Variants in EML5 observed in about 807,000 individuals in gnomAD.
EML5 encodes EMAP like 5.
In EML5, 120 loss-of-function variants were observed where a neutral mutation model predicts 250.0. The ratio of observed to expected loss-of-function variants is 0.48; its 90% CI spans 0.41 to 0.56. The LOEUF (loss-of-function observed/expected upper bound fraction) is 0.56, where lower values mean the gene tolerates loss of function less well. EML5 is among the 20% of genes least tolerant of loss of function. EML5 has a pLI of 0.00. For missense variants in EML5, 2,006 were observed against 2,437.6 expected (o/e 0.82, Z 3.73); for synonymous variants, 771 against 806.5 (o/e 0.96, Z 0.75).
intron 33 of EML5, among the ~76,000 whole-genome samples, chr14:88,628,217 A>G (rs548236403): frequency 6.6e-6 from 1 of 152,320 alleles, no homozygotes; most frequent in East Asian, 1.9e-4. Context: ...GTATACATTC[A>G]GTACTGATGT....
At chr14:88,705,720 C>T in intron 11 of EML5, 132 bp from the exon 12 acceptor site, 1 of 715,264 alleles carries the variant, frequency 1.4e-6, no homozygotes, top group Non-Finnish European at 2.4e-6. Flanking sequence ...ATGAAATTAC[C>T]TATTCAAGTG....
chr14:88,618,496 G>A, intron 40 of EML5, 154 bp downstream of exon 40: 1 of 1,095,644 alleles, frequency 9.1e-7, no homozygotes, highest in Non-Finnish European at 1.3e-6. Context: ...GCTCTGATAA[G>A]TGGGGGAGGA....
At chr14:88,686,474 C>T (rs545322978) in intron 19 of EML5, among the ~76,000 whole-genome samples, 41 of 151,692 alleles carry the variant, frequency 2.7e-4, no homozygotes, top group South Asian at 6.2e-4. Context: ...GGATGGTCGG[C>T]GGACAGGGAG....
intron 20 of EML5, 122 bp downstream of exon 20, chr14:88,684,893 T>C (rs1242966279): frequency 4.5e-6 from 4 of 893,958 alleles, no homozygotes; most frequent in Admixed American, 6.5e-5. Flanking sequence ...TTTTTCTGTA[T>C]ACATTAACAA....
chr14:88,702,359 A>G (rs2093230996), intron 14 of EML5, 87 bp downstream of exon 14: 10 of 1,019,162 alleles, frequency 9.8e-6, no homozygotes, highest in Non-Finnish European at 1.4e-5. Context: ...TTCATATCCT[A>G]GAACATAAAA....
chr14:88,620,743 TG>T lies in EML5; in HGVS notation c.5375+10del. ...TATATACTAGAAACTCTATTCCATT[TG>T]TTCACTAACCTGATATCATGGATTG... On this transcript the variant is annotated intron_variant, in intron 39 of 43. Transcript: ENST00000554922. This position sits in a 1 kb window ranked among gnomAD's most constrained non-coding sequence, Gnocchi z 4.3. The T allele has an allele frequency of 6.4e-7, 1 of 1,563,810 alleles. No homozygotes were observed. Among genetic ancestry groups the T allele is most frequent in the Non-Finnish European group, 8.6e-7 (1 of 1,161,236 alleles).
intron 31 of EML5, among the ~76,000 whole-genome samples, chr14:88,640,105 T>G (rs1163817124): frequency 1.3e-5 from 2 of 152,010 alleles, no homozygotes; most frequent in African/African-American, 4.8e-5. Context: ...AAAACAAAAA[T>G]CAAACAAGTG....
chr14:88,705,685 T>A, intron 11 of EML5, 97 bp from the exon 12 acceptor site: 1 of 854,148 alleles, frequency 1.2e-6, no homozygotes, highest in South Asian at 1.5e-5. Context: ...TCAGTTGACA[T>A]GGAGACAAGC....
chr14:88,681,463 T>C (rs950790818), intron 21 of EML5, among the ~76,000 whole-genome samples: 1 of 152,200 alleles, frequency 6.6e-6, no homozygotes, highest in Non-Finnish European at 1.5e-5. Context: ...CAGCTTCATC[T>C]GCTTCCTACA....
At chr14:88,772,281 C>T (rs1264142059) in intron 1 of EML5, among the ~76,000 whole-genome samples, 1 of 152,204 alleles carries the variant, frequency 6.6e-6, no homozygotes, top group Non-Finnish European at 1.5e-5. Flanking sequence ...ACTTCGGTAG[C>T]CTTCTGTCTA....
rs1273967395 is a variant in EML5, at chr14:88,618,737, G to A, written c.5451C>T (p.Gly1817=). 17 of 1,607,386 alleles carry A rather than the reference G, an allele frequency of 1.1e-5. No individual in the cohort carries two copies. Among genetic ancestry groups the A allele is most frequent in the South Asian group, 8.9e-5 (8 of 89,754 alleles). The change falls in exon 40 of 44, where the codon GGC becomes GGT. Residue 1817 remains glycine (G), a synonymous_variant. Transcript: ENST00000554922. ...NSVDFYDLTL[G]PTLNRISYCK... ...AGTAGCTGATTCTGTTAAGAGTGGG[G>A]CCCAGCGTTAGGTCATAAAAATCCA...
chr14:88,786,297 T>C (rs568299563), intron 1 of EML5, among the ~76,000 whole-genome samples: 1 of 152,320 alleles, frequency 6.6e-6, no homozygotes, highest in African/African-American at 2.4e-5. Flanking sequence ...TATACATGCA[T>C]ATATAAAAAT....
chr14:88,658,131 A>C (rs1448026508), intron 26 of EML5, 56 bp downstream of exon 26: 2 of 1,545,330 alleles, frequency 1.3e-6, no homozygotes, highest in Non-Finnish European at 1.8e-6. Flanking sequence ...CACAGCTTAA[A>C]CAAGTTGTGC....
chr14:88,615,963 C>G (rs2087545343), intron 43 of EML5, 109 bp from the exon 44 acceptor site: 2 of 1,330,854 alleles, frequency 1.5e-6, no homozygotes, highest in African/African-American at 2.9e-5. Context: ...TATTTTTCCT[C>G]TTTAACTCCT....
intron 21 of EML5, among the ~76,000 whole-genome samples, chr14:88,668,564 G>T (rs1471328642): frequency 2.6e-5 from 4 of 152,132 alleles, no homozygotes; most frequent in South Asian, 4.1e-4. Flanking sequence ...ATTGGAGTGG[G>T]TTATGGAGCT....
At chr14:88,686,417 T>C (rs2092834218) in intron 19 of EML5, among the ~76,000 whole-genome samples, 1 of 150,940 alleles carries the variant, frequency 6.6e-6, no homozygotes, top group Non-Finnish European at 1.5e-5. Context: ...ATAATAACAA[T>C]AATAATAATA....
At chr14:88,770,403 T>C (rs964786657) in intron 1 of EML5, among the ~76,000 whole-genome samples, 8 of 152,334 alleles carry the variant, frequency 5.3e-5, no homozygotes, top group African/African-American at 1.7e-4. Context: ...GTGAGGTATA[T>C]GCTGGGGTTC....
chr14:88,678,570 G>A (rs2092648853), intron 21 of EML5, among the ~76,000 whole-genome samples: 1 of 152,058 alleles, frequency 6.6e-6, no homozygotes, highest in Non-Finnish European at 1.5e-5. Context: ...ACTCATTATA[G>A]TACTAGCTTT....
intron 1 of EML5, among the ~76,000 whole-genome samples, chr14:88,771,242 C>A (rs2094390108): frequency 1.3e-5 from 2 of 152,204 alleles, no homozygotes; most frequent in Non-Finnish European, 2.9e-5. Flanking sequence ...ACAGTTCCCC[C>A]CTATCAACCT....
Sources: gnomAD v4.1 joint callset for allele counts (sites outside exome capture counted in the v4.1 genomes callset) on GRCh38, gnomAD v4.1.1 for gene constraint, Gnocchi (gnomAD v3.1) non-coding constraint, MANE v1.5 for transcripts, NCBI Gene and HGNC (gene_info 2026-07-23, HGNC 2026-07-21) for gene names.